The following MIA2 variants were observed in gnomAD, a reference collection of about 807,000 sequenced individuals.
MIA2 encodes the protein MIA SH3 domain ER export factor 2, also known as melanoma inhibitory activity protein 2.
MIA2 carries 127 observed loss-of-function variants against 167.8 expected under a neutral mutation model. The observed-to-expected ratio is 0.76, with a 90% CI of 0.66 to 0.88. MIA2 has a LOEUF of 0.88. Ranked by LOEUF, MIA2 falls within the 40% of genes least tolerant of loss-of-function variation. The probability of loss-of-function intolerance (pLI) is 0.00; values close to 1 mark genes in which losing one functional copy is unlikely to be tolerated. For missense variants in MIA2, 1,690 were observed against 1,624.7 expected, an observed-to-expected ratio of 1.04 and a Z score of -0.69; for synonymous variants, 552 against 541.9, an observed-to-expected ratio of 1.02 and a Z score of -0.26.
chr14:39,267,599 TTTGGGGTC>T (rs1431268219), intron 6 of MIA2: 3 of 1,550,388 alleles, frequency 1.9e-6, no homozygotes, highest in African/African-American at 2.7e-5. Context: ...GTAGACCGGC[TTTGGGGTC>T]TAAGCCGCCG....
At chr14:39,365,074 G>GTT (rs61123873) in intron 23 of MIA2, among the ~76,000 whole-genome samples, 107 of 150,116 alleles carry the variant, frequency 7.1e-4, no homozygotes, top group African/African-American at 2.5e-3. Context: ...GGGTTTTGTT[G>GTT]TTTTTTTTTG....
intron 17 of MIA2, among the ~76,000 whole-genome samples, chr14:39,307,236 A>G (rs2063484544): frequency 1.3e-5 from 2 of 152,048 alleles, no homozygotes; most frequent in Admixed American, 6.6e-5. Flanking sequence ...TTTTACGGGG[A>G]ATGTTGAACT....
At chr14:39,243,538 T>G (rs910015810) in intron 3 of MIA2, among the ~76,000 whole-genome samples, 1 of 152,168 alleles carries the variant, frequency 6.6e-6, no homozygotes, top group African/African-American at 2.4e-5. Flanking sequence ...CAAATTTATT[T>G]GATCACAATT....
chr14:39,363,389 G>T (rs1301142641), intron 23 of MIA2, among the ~76,000 whole-genome samples: 1 of 152,172 alleles, frequency 6.6e-6, no homozygotes. Flanking sequence ...AATTAGCTGG[G>T]TGTGGTGGAA....
At chr14:39,359,992 G>GTTTTT (rs58076493) in intron 23 of MIA2, among the ~76,000 whole-genome samples, 21 of 128,818 alleles carry the variant, frequency 1.6e-4, no homozygotes, top group Non-Finnish European at 2.2e-4. Context: ...TCTGCAGCAT[G>GTTTTT]TTTTTTTTTT....
intron 23 of MIA2, among the ~76,000 whole-genome samples, chr14:39,378,363 T>C (rs556892472): frequency 9.2e-5 from 14 of 152,348 alleles, no homozygotes; most frequent in African/African-American, 3.4e-4. Context: ...GCAAACCTCA[T>C]GAATACATCA....
intron 2 of MIA2, among the ~76,000 whole-genome samples, chr14:39,240,294 G>A (rs1378089551): frequency 6.6e-6 from 1 of 152,146 alleles, no homozygotes; most frequent in Non-Finnish European, 1.5e-5. Flanking sequence ...ACAGAAAAAC[G>A]AATAAAATGA....
At position 39,247,600 on chromosome 14, in the gene MIA2, C is replaced by T. The variant is rs2054368629; in HGVS notation, c.1026C>T (p.Pro342=). ...EESNPPLQDF[P]NSISSDKEAT... is the part of the protein sequence containing the mutation. ...GCAATCCACCACTACAAGATTTTCC[C>T]AATTCCATATCATCTGATAAAGAAG... The change falls in exon 4 of 29, where the codon CCC becomes CCT. Residue 342 remains proline (P), a synonymous_variant. Transcript: ENST00000640607. The T allele has an allele frequency of 1.2e-6, 2 of 1,613,876 alleles. No homozygotes were observed. The highest frequency in any genetic ancestry group is 1.7e-6 in the Non-Finnish European group (2 of 1,179,992).
Position 39,343,095 on chromosome 14 carries a change from C to T in MIA2, c.3656-2809C>T, listed in dbSNP as rs144672938. Among the ~76,000 whole-genome samples the T allele has an allele frequency of 7.1e-3, 1,079 of 152,226 alleles. 11 individuals are homozygous for T. The highest frequency in any genetic ancestry group is 0.02 in the African/African-American group (826 of 41,544). The stretch of plus-strand genomic sequence containing the variant: ...GTACATATGTTCTTTCAAGATTGTC[C>T]AGGAATTGGAATTCCTAGGTAATAG... On this transcript the variant is annotated intron_variant, in intron 25 of 28. Transcript: ENST00000640607.
chr14:39,312,011 G>A (rs1049837280), intron 18 of MIA2, among the ~76,000 whole-genome samples: 1 of 151,522 alleles, frequency 6.6e-6, no homozygotes, highest in African/African-American at 2.4e-5. Context: ...TGTATTTTTA[G>A]TGGAGATGGG....
rs914420738 is a variant in MIA2 at position 39,388,155 on chromosome 14, C to G, written c.*1203C>G. On this transcript the variant is annotated 3_prime_UTR_variant, in exon 24 of 24. Transcript: ENST00000341502. This position sits in a 1 kb window ranked among gnomAD's most constrained non-coding sequence, Gnocchi z 4.1. ...AATCATTTATTGCCTTATGGAAAAA[C>G]AATTGTTTTCATCAGAAATTAGAAT... 3.9e-5 allele frequency: 6 copies of G among 152,158 alleles called. No individual in the cohort carries two copies. Among genetic ancestry groups the G allele is most frequent in the Non-Finnish European group, 5.9e-5 (4 of 68,028 alleles). The allele number at this position is 152,158 out of a possible 1,614,324, so 9.4% of individuals were successfully genotyped here.
chr14:39,317,624 G>A (rs2065725801), intron 21 of MIA2, among the ~76,000 whole-genome samples: 1 of 152,102 alleles, frequency 6.6e-6, no homozygotes, highest in Non-Finnish European at 1.5e-5. Context: ...TGTGTCCTAG[G>A]CACTGTACTT....
intron 13 of MIA2, among the ~76,000 whole-genome samples, chr14:39,298,037 T>G (rs1375534873): frequency 2.0e-5 from 3 of 152,246 alleles, no homozygotes; most frequent in South Asian, 4.1e-4. Flanking sequence ...TCTTTTTTCC[T>G]TGTGGGTTTA....
At chr14:39,261,530 C>G (rs528440173) in intron 6 of MIA2, among the ~76,000 whole-genome samples, 43 of 152,226 alleles carry the variant, frequency 2.8e-4, no homozygotes, top group African/African-American at 9.6e-4. Flanking sequence ...GGGTCAAATG[C>G]TATTTCTACT....
chr14:39,339,107 G>A (rs10145517), intron 25 of MIA2, among the ~76,000 whole-genome samples: 107,055 of 151,974 alleles, frequency 0.7, 37,883 homozygotes, highest in East Asian at 0.79. Context: ...GGAATGCACA[G>A]GCTAGATCCC....
In MIA2 at chr14:39,338,361, TAAAA is replaced by T. The variant is rs757891415; in HGVS notation, c.3656-7540_3656-7537del. ...ATCTTTCTGTGAATCTATTTTAAAA[TAAAA>T]AAGTAAAAATCTTATTGTATATCAT... On this transcript the variant is annotated intron_variant, in intron 25 of 28. Coordinates refer to ENST00000640607, the MANE Select transcript of MIA2 (RefSeq NM_001329214.4). Among the ~76,000 whole-genome samples the T allele has an allele frequency of 7.9e-5, 12 of 152,224 alleles. No individual in the cohort carries two copies. The East Asian group carries it at 1.2e-3, about 15-fold the overall frequency.
chr14:39,339,978 T>G (rs1287398567), intron 25 of MIA2, among the ~76,000 whole-genome samples: 1 of 152,138 alleles, frequency 6.6e-6, no homozygotes, highest in Non-Finnish European at 1.5e-5. Context: ...CCCAAGTGGC[T>G]GGGACTATAG....
At chr14:39,298,232 A>G (rs1298876119) in intron 13 of MIA2, among the ~76,000 whole-genome samples, 1 of 151,432 alleles carries the variant, frequency 6.6e-6, no homozygotes, top group Non-Finnish European at 1.5e-5. Flanking sequence ...TAATAATCCA[A>G]ATTCTTGAAA....
chr14:39,267,551 G>C lies in MIA2; in HGVS notation c.1888-9383G>C, dbSNP rs113934008. 3.1e-6 allele frequency: 5 copies of C among 1,609,106 alleles called. No homozygotes were observed. In the African/African-American group the frequency reaches 5.3e-5, roughly 17 times the overall value. On this transcript the variant is annotated intron_variant, in intron 6 of 28. Coordinates refer to ENST00000640607, the MANE Select transcript of MIA2 (RefSeq NM_001329214.4). ...AGCCCAGGCGCGATGAGTGTTACGTGGCCCAGGGGTCGCGGGAGCCGCCGG... is the reference window on the plus strand; with the variant it reads ...AGCCCAGGCGCGATGAGTGTTACGTCGCCCAGGGGTCGCGGGAGCCGCCGG...
Sources: gnomAD v4.1 joint callset for allele counts (sites outside exome capture counted in the v4.1 genomes callset) on GRCh38, gnomAD v4.1.1 for gene constraint, Gnocchi (gnomAD v3.1) non-coding constraint, MANE v1.5 for transcripts, NCBI Gene and HGNC (gene_info 2026-07-23, HGNC 2026-07-21) for gene names.